The following ANK1 variants were observed in gnomAD, a reference collection of about 807,000 sequenced individuals.
The protein encoded by ANK1 is ankyrin-1.
A neutral mutation model predicts 210.4 loss-of-function variants in ANK1; 51 were observed. That is an observed-to-expected ratio of 0.24 (90% CI 0.19 to 0.31). The LOEUF is 0.31. Among genes scored for constraint, ANK1 ranks in the 10% least tolerant of loss-of-function variants. The pLI, the probability that ANK1 is intolerant of heterozygous loss-of-function variation, is 1.00. For missense variants in ANK1, 2,051 were observed against 2,504.4 expected, an observed-to-expected ratio of 0.82 and a Z score of 3.86; for synonymous variants, 967 against 1,025.9, an observed-to-expected ratio of 0.94 and a Z score of 1.10.
chr8:41,865,474 T>C (rs139707633), intron 1 of ANK1, among the ~76,000 whole-genome samples: 37 of 151,968 alleles, frequency 2.4e-4, no homozygotes, highest in African/African-American at 8.5e-4. Context: ...TCACACCCAC[T>C]CTGTGCTCCG....
intron 9 of ANK1, among the ~76,000 whole-genome samples, chr8:41,721,188 A>G (rs920873222): frequency 3.3e-5 from 5 of 152,206 alleles, no homozygotes; most frequent in African/African-American, 1.2e-4. Flanking sequence ...CTAATCTATG[A>G]CTGGCGTCCT....
At chr8:41,718,516 G>T (rs1017057923) in intron 10 of ANK1, among the ~76,000 whole-genome samples, 1 of 151,932 alleles carries the variant, frequency 6.6e-6, no homozygotes, top group African/African-American at 2.4e-5. Flanking sequence ...GCCCCCTAAG[G>T]GTAAATTTAC....
At chr8:41,684,118 A>G (rs1816950973) in intron 37 of ANK1, among the ~76,000 whole-genome samples, 1 of 152,180 alleles carries the variant, frequency 6.6e-6, no homozygotes, top group South Asian at 2.1e-4. Flanking sequence ...CTGCTTCCCA[A>G]CCACTGACTG....
Position 41,723,197 on chromosome 8 carries a change from T to G in ANK1, c.837A>C (p.Ala279=). ...AGATTCGCACGTGCCCATTTCGAGC[T>G]GCACAGTGGAGAGGTGTCAATTCGT... ...TKDELTPLHC[A]ARNGHVRISE... Residue 279 remains alanine, a synonymous_variant, in exon 9 of 43, where the codon GCA becomes GCC. Transcript: ENST00000289734. 6.2e-7 allele frequency: 1 copy of G among 1,614,140 alleles called. No homozygotes were observed. Among genetic ancestry groups the G allele is most frequent in the Non-Finnish European group, 8.5e-7 (1 of 1,180,026 alleles).
At chr8:41,833,386 G>A (rs974974533) in intron 1 of ANK1, among the ~76,000 whole-genome samples, 1 of 152,234 alleles carries the variant, frequency 6.6e-6, no homozygotes, top group African/African-American at 2.4e-5. Flanking sequence ...AGGGAAGGGG[G>A]TGGTGCCTCC....
chr8:41,725,899 G>C lies in ANK1; in HGVS notation c.474C>G (p.Asn158Lys). The change falls in exon 6 of 43, where the codon AAC (asparagine) becomes AAG (lysine). Residue 158 changes from asparagine (N) to lysine (K), a missense_variant. This residue lies in a region of ANK1 where 1,413 missense variants were observed against 1,707.4 expected (regional missense o/e 0.83). Coordinates refer to ENST00000289734, the MANE Select transcript of ANK1 (RefSeq NM_000037.4). ...CGTAGTTGATGAGGTGCGCGACGACGTTCTCATGGCCCTGCTGCAGGGCTA... is the reference window on the plus strand; with the variant it reads ...CGTAGTTGATGAGGTGCGCGACGACCTTCTCATGGCCCTGCTGCAGGGCTA... ...LAVALQQGHENVVAHLINYGT... is the reference protein window; with the variant it reads ...LAVALQQGHEKVVAHLINYGT... 6.2e-7 allele frequency: 1 copy of C among 1,613,660 alleles called. No homozygotes were observed.
chr8:41,736,514 C>A (rs777890018), intron 2 of ANK1, among the ~76,000 whole-genome samples: 1 of 152,172 alleles, frequency 6.6e-6, no homozygotes, highest in South Asian at 2.1e-4. Context: ...TTGTGGCTGT[C>A]GGCATGGCTG....
At chr8:41,727,382 C>T (rs778693869) in intron 4 of ANK1, 34 bp from the exon 5 acceptor site, 25 of 1,521,188 alleles carry the variant, frequency 1.6e-5, no homozygotes, top group African/African-American at 1.2e-4. Context: ...TTAGCATCCA[C>T]CCGCAATTTA....
rs572385978 is a variant in ANK1 at position 41,833,873 on chromosome 8, C to T, written c.126+62482G>A. On this transcript the variant is annotated intron_variant, in intron 1 of 42. Coordinates refer to the ANK1 transcript ENST00000265709. ...AGCGCTGAGGAGCTGCAGGATTGGA[C>T]TAAGAGCCCCGAGGCCATGCCTGAC... is the stretch of plus-strand genomic sequence containing the variant. Among the ~76,000 whole-genome samples, 12 of 152,232 alleles carry T rather than the reference C, an allele frequency of 7.9e-5. No homozygotes were observed. The South Asian group carries it at 2.3e-3, about 29-fold the overall frequency.
At chr8:41,675,904 A>T (rs1813994774) in intron 37 of ANK1, among the ~76,000 whole-genome samples, 1 of 152,220 alleles carries the variant, frequency 6.6e-6, no homozygotes, top group South Asian at 2.1e-4. Flanking sequence ...TCTTTCACTC[A>T]ACGTAGTCAA....
rs768749731 is a variant in ANK1 at position 41,692,751 on chromosome 8, C to A, written c.3755G>T (p.Arg1252Leu). 2 of 1,614,052 alleles carry A rather than the reference C, an allele frequency of 1.2e-6. No individual in the cohort carries two copies. Among genetic ancestry groups the A allele is most frequent in the East Asian group, 2.2e-5 (1 of 44,868 alleles). The change falls in exon 31 of 43, where the codon CGA (arginine) becomes CTA (leucine). Residue 1252 changes from arginine (R) to leucine (L), a missense_variant. Physicochemically the swap from Arg to Leu is moderately radical, Grantham distance 102 (BLOSUM62 -2). Transcript: ENST00000289734. ...GCAGTAGCAGCGCAGGCGCCCCTCT[C>A]GGGGGTCATTCATCTTGGCAAAGAT... ...FVIFAKMNDP[R>L]EGRLRCYCMT...
Position 41,696,658 on chromosome 8 carries a change from C to A in ANK1, c.2735+18G>T. On this transcript the variant is annotated intron_variant, in intron 25 of 42. Coordinates refer to ENST00000289734, the MANE Select transcript of ANK1 (RefSeq NM_000037.4). Reference sequence around the variant, plus strand: ...GAGATGGAGACAGGAGTCCCCGAGCCCTGCGCCCGCCACTCACCCTGTATG... The same window carrying A: ...GAGATGGAGACAGGAGTCCCCGAGCACTGCGCCCGCCACTCACCCTGTATG... 6.2e-7 allele frequency: 1 copy of A among 1,605,148 alleles called. No homozygotes were observed. The highest frequency in any genetic ancestry group is 1.1e-5 in the South Asian group (1 of 91,056).
intron 1 of ANK1, among the ~76,000 whole-genome samples, chr8:41,851,924 C>A (rs1436367538): frequency 6.6e-6 from 1 of 152,156 alleles, no homozygotes; most frequent in Non-Finnish European, 1.5e-5. Flanking sequence ...ATTCCTCTAC[C>A]ATTGGCCCCC....
At chr8:41,693,877 C>T (rs533083956) in intron 29 of ANK1, 21 bp downstream of exon 29, 58 of 1,589,824 alleles carry the variant, frequency 3.6e-5, no homozygotes, top group South Asian at 2.6e-4. Flanking sequence ...AGAACAGAAG[C>T]GAGGCAGGGG....
chr8:41,858,053 C>A (rs114719491), intron 1 of ANK1, among the ~76,000 whole-genome samples: 2,637 of 152,110 alleles, frequency 0.017, 80 homozygotes, highest in African/African-American at 0.06. Context: ...CATAGCAAGA[C>A]CCCCCATCTC....
intron 1 of ANK1, among the ~76,000 whole-genome samples, chr8:41,841,741 A>G (rs1374265491): frequency 6.6e-6 from 1 of 152,224 alleles, no homozygotes; most frequent in Non-Finnish European, 1.5e-5. Context: ...ACTGTAAAAA[A>G]GGAAAAGGAA....
intron 31 of ANK1, 102 bp downstream of exon 31, chr8:41,692,546 G>T: frequency 1.7e-6 from 2 of 1,177,522 alleles, no homozygotes. Context: ...GGAGCCCCTC[G>T]TCTACAGAGG....
chr8:41,778,992 T>G (rs1428946499), intron 1 of ANK1, among the ~76,000 whole-genome samples: 1 of 151,900 alleles, frequency 6.6e-6, no homozygotes, highest in Non-Finnish European at 1.5e-5. Flanking sequence ...AAGAGGAAAA[T>G]CAAACGTGGA....
chr8:41,678,129 A>C (rs1036986162), intron 37 of ANK1, among the ~76,000 whole-genome samples: 1 of 151,498 alleles, frequency 6.6e-6, no homozygotes, highest in Non-Finnish European at 1.5e-5. Flanking sequence ...GTTTCTGTCC[A>C]TATTTCTTTT....
Sources: allele counts gnomAD v4.1 joint callset (sites outside exome capture counted in the v4.1 genomes callset), GRCh38; gene constraint gnomAD v4.1.1; regional missense constraint gnomAD v4.1.1; transcripts MANE v1.5; gene names NCBI Gene and HGNC (gene_info 2026-07-23, HGNC 2026-07-21).